Variants in LAMA1 observed in about 807,000 individuals in gnomAD.
The protein encoded by LAMA1 is laminin subunit alpha-1.
Under a neutral mutation model 348.7 loss-of-function variants are expected in LAMA1, and 219 were observed. The ratio of observed to expected loss-of-function variants is 0.63; its 90% CI spans 0.56 to 0.70. The LOEUF is 0.70. Among genes scored for constraint, LAMA1 ranks in the 30% least tolerant of loss-of-function variants. LAMA1 has a pLI of 0.00. For missense variants in LAMA1, 3,744 were observed against 3,888.0 expected (o/e 0.96, Z 0.99); for synonymous variants, 1,487 against 1,491.0 (o/e 1.00, Z 0.06).
intron 48 of LAMA1, among the ~76,000 whole-genome samples, chr18:6,969,045 G>A (rs1179564294): frequency 6.6e-6 from 1 of 152,136 alleles, no homozygotes; most frequent in African/African-American, 2.4e-5. Context: ...AAATGAAGAC[G>A]GTTCAATCAA....
chr18:7,019,049 C>T (rs370811167), intron 19 of LAMA1, among the ~76,000 whole-genome samples: 46 of 152,214 alleles, frequency 3.0e-4, no homozygotes, highest in South Asian at 1.5e-3. Context: ...CTCCCCAGCA[C>T]ATCCTTCTCC....
chr18:6,980,821 G>A (rs994295871), intron 41 of LAMA1, among the ~76,000 whole-genome samples, 184 bp from the exon 42 acceptor site: 3 of 152,262 alleles, frequency 2.0e-5, no homozygotes, highest in East Asian at 1.9e-4. Context: ...TGGGCCAGGC[G>A]CGATGGCTCA....
At chr18:6,951,033 C>T in intron 57 of LAMA1, 62 bp from the exon 58 acceptor site, 1 of 1,421,176 alleles carries the variant, frequency 7.0e-7, no homozygotes, top group Non-Finnish European at 9.7e-7. Flanking sequence ...TTTAAAACCT[C>T]AAAAGAGGAC....
chr18:7,038,645 A>G, intron 11 of LAMA1, 165 bp downstream of exon 11: 2 of 883,486 alleles, frequency 2.3e-6, no homozygotes, highest in Admixed American at 1.8e-5. Flanking sequence ...CCTATAAAGA[A>G]TCTTGAGAGG....
At chr18:7,066,570 ATG>A (rs1484644607) in intron 3 of LAMA1, among the ~76,000 whole-genome samples, 1 of 152,230 alleles carries the variant, frequency 6.6e-6, no homozygotes, top group Non-Finnish European at 1.5e-5. Flanking sequence ...AAATTTACAC[ATG>A]TGAAGATAAT....
At chr18:7,001,262 T>G (rs2057806367) in intron 30 of LAMA1, among the ~76,000 whole-genome samples, 1 of 152,188 alleles carries the variant, frequency 6.6e-6, no homozygotes, top group South Asian at 2.1e-4. Context: ...TATTTCACTC[T>G]AGGAATGTAA....
Position 6,958,498 on chromosome 18 carries a change from T to C in LAMA1, c.7943A>G (p.Lys2648Arg). ...TMRRSFHGCI[K>R]NLIFNLELLD... The stretch of plus-strand genomic sequence containing the variant: ...TTACTCCAAATTGAAGATCAGGTTT[T>C]TGATACAGCCATGGAACGATCTTCT... The change falls in exon 55 of 63, where the codon AAA (lysine) becomes AGA (arginine). Residue 2648 changes from lysine to arginine, a missense_variant. Lys to Arg is a conservative substitution (Grantham distance 26). Transcript: ENST00000389658. 1 of 1,614,212 alleles carries C rather than the reference T, an allele frequency of 6.2e-7. No homozygotes were observed. The highest frequency in any genetic ancestry group is 1.3e-5 in the African/African-American group (1 of 75,068).
chr18:7,099,821 G>A (rs150592722), intron 1 of LAMA1, among the ~76,000 whole-genome samples: 229 of 152,106 alleles, frequency 1.5e-3, no homozygotes, highest in African/African-American at 5.2e-3. Context: ...CACTTTGGGA[G>A]GCTGAGGAGG....
chr18:7,048,385 G>T (rs1238695613), intron 5 of LAMA1, among the ~76,000 whole-genome samples: 3 of 152,062 alleles, frequency 2.0e-5, no homozygotes, highest in South Asian at 4.1e-4. Flanking sequence ...ACACATTGCT[G>T]GTCAGACTAC....
chr18:6,970,126 C>T (rs1368989751), intron 48 of LAMA1, among the ~76,000 whole-genome samples: 1 of 152,094 alleles, frequency 6.6e-6, no homozygotes, highest in Non-Finnish European at 1.5e-5. Flanking sequence ...TTGCTGGAAA[C>T]ACAGAATAAG....
In LAMA1 at chr18:6,943,206, T is replaced by C; in HGVS notation, c.9041A>G (p.Asn3014Ser). Residue 3014 changes from asparagine (N) to serine (S), a missense_variant, in exon 62 of 63, where the codon AAT becomes AGT. Asn to Ser is a conservative substitution (Grantham distance 46, BLOSUM62 1). Coordinates refer to ENST00000389658, the MANE Select transcript of LAMA1 (RefSeq NM_005559.4). Reference protein sequence around the residue: ...HTQSTSVDTNNPIYVGGYPAG... With the variant: ...HTQSTSVDTNSPIYVGGYPAG... ...AGGATAGCCACCAACATAAATGGGA[T>C]TGTTGGTGTCCACTGAGGTAGACTG... 6.2e-7 allele frequency: 1 copy of C among 1,614,024 alleles called. No individual in the cohort carries two copies. Among genetic ancestry groups the C allele is most frequent in the African/African-American group, 1.3e-5 (1 of 75,012 alleles).
chr18:7,108,464 C>A (rs1013375087), intron 1 of LAMA1, among the ~76,000 whole-genome samples: 3 of 151,656 alleles, frequency 2.0e-5, no homozygotes, highest in African/African-American at 7.3e-5. Context: ...AGTTCAAGAC[C>A]AGCCCCGCCA....
chr18:6,951,419 C>A (rs2057546180), intron 57 of LAMA1, among the ~76,000 whole-genome samples: 1 of 152,194 alleles, frequency 6.6e-6, no homozygotes, highest in East Asian at 1.9e-4. Flanking sequence ...GTGGGGGAAC[C>A]AGAGTTACTG....
Position 7,050,749 on chromosome 18 carries a change from T to C in LAMA1, c.533A>G (p.Asp178Gly). 6.2e-7 allele frequency: 1 copy of C among 1,614,114 alleles called. No individual in the cohort carries two copies. The highest frequency in any genetic ancestry group is 8.5e-7 in the Non-Finnish European group (1 of 1,180,022). ...RRGPPTYRAD[D>G]EVICTSYYSR... ...ATAATAGGAGGTGCAGATCACTTCA[T>C]CATCAGCCCTGTAGGTGGGTGGCCC... Residue 178 changes from aspartate to glycine, a missense_variant, in exon 4 of 63, where the codon GAT becomes GGT. Physicochemically the swap from Asp to Gly is moderately conservative, Grantham distance 94 (BLOSUM62 -1). Around this residue, in one of 3 missense-constraint regions of LAMA1, gnomAD observed 1,529 missense variants for 1,689.4 expected, o/e 0.91. Coordinates refer to ENST00000389658, the MANE Select transcript of LAMA1 (RefSeq NM_005559.4).
intron 28 of LAMA1, among the ~76,000 whole-genome samples, chr18:7,007,912 C>T (rs975553948): frequency 1.3e-4 from 14 of 107,152 alleles, no homozygotes; most frequent in African/African-American, 5.1e-4. Flanking sequence ...TATTACTCCA[C>T]TTTTATTTAT....
intron 41 of LAMA1, among the ~76,000 whole-genome samples, chr18:6,981,559 C>A (rs2057711853): frequency 6.6e-6 from 1 of 152,166 alleles, no homozygotes; most frequent in Admixed American, 6.5e-5. Context: ...CAGCAAGCTC[C>A]CAATTTCACT....
chr18:7,005,255 C>T (rs141312810), intron 29 of LAMA1, among the ~76,000 whole-genome samples: 2 of 152,304 alleles, frequency 1.3e-5, no homozygotes, highest in Admixed American at 6.5e-5. Context: ...CATGAATAAT[C>T]TGAACTCATG....
intron 51 of LAMA1, among the ~76,000 whole-genome samples, chr18:6,962,448 A>G (rs2057612880): frequency 6.6e-6 from 1 of 151,170 alleles, no homozygotes; most frequent in South Asian, 2.1e-4. Context: ...GGGGAACCCT[A>G]TACTTCTGGA....
At chr18:7,089,924 A>G (rs1381904902) in intron 1 of LAMA1, among the ~76,000 whole-genome samples, 1 of 152,210 alleles carries the variant, frequency 6.6e-6, no homozygotes, top group Non-Finnish European at 1.5e-5. Context: ...TTCCCCAGAA[A>G]ACAATACAAA....
Sources: gnomAD v4.1 joint callset for allele counts (sites outside exome capture counted in the v4.1 genomes callset) on GRCh38, gnomAD v4.1.1 for gene constraint, gnomAD v4.1.1 regional missense constraint, MANE v1.5 for transcripts, NCBI Gene and HGNC (gene_info 2026-07-23, HGNC 2026-07-21) for gene names.